SLC30A9: variants seen among roughly 807,000 people sequenced by gnomAD.
The protein encoded by SLC30A9 is proton-coupled zinc antiporter SLC30A9, mitochondrial.
A neutral mutation model predicts 87.5 loss-of-function variants in SLC30A9; 58 were observed. The ratio of observed to expected loss-of-function variants is 0.66; its 90% CI spans 0.54 to 0.82. The LOEUF (loss-of-function observed/expected upper bound fraction) is 0.82, where lower values mean the gene tolerates loss of function less well. Ranked by LOEUF, SLC30A9 falls within the 40% of genes least tolerant of loss-of-function variation. The probability of loss-of-function intolerance (pLI) is 0.00; values close to 1 mark genes in which losing one functional copy is unlikely to be tolerated. For missense variants in SLC30A9, 557 were observed against 679.1 expected (o/e 0.82, Z 2.00); for synonymous variants, 234 against 233.0 (o/e 1.00, Z -0.04).
chr4:42,014,628 C>T (rs891591168), intron 2 of SLC30A9, among the ~76,000 whole-genome samples: 8 of 151,328 alleles, frequency 5.3e-5, no homozygotes, highest in African/African-American at 1.5e-4. Flanking sequence ...GCACTGTTCA[C>T]AATAGCCAAG....
chr4:42,006,844 T>G (rs1715225964), intron 2 of SLC30A9, among the ~76,000 whole-genome samples: 1 of 152,150 alleles, frequency 6.6e-6, no homozygotes, highest in African/African-American at 2.4e-5. Flanking sequence ...TTAATTTTTT[T>G]CTACTGCTCT....
At chr4:41,996,685 A>G (rs1714725746) in intron 1 of SLC30A9, among the ~76,000 whole-genome samples, 1 of 152,188 alleles carries the variant, frequency 6.6e-6, no homozygotes, top group Admixed American at 6.5e-5. Flanking sequence ...TTGAGGCTGC[A>G]GTGAACCATG....
Position 42,089,086 on chromosome 4 carries a change from G to A in SLC30A9, c.*2960G>A, listed in dbSNP as rs1719019053. 1 of 152,096 alleles carries A rather than the reference G, an allele frequency of 6.6e-6. No homozygotes were observed. The highest frequency in any genetic ancestry group is 1.5e-5 in the Non-Finnish European group (1 of 68,028). The allele number at this position is 152,096 out of a possible 1,614,324, so 9.4% of individuals were successfully genotyped here. ...TTAAAGCATATAAATCATTTTTAAG[G>A]AAAATATTCTCTGCAGGAGAATAAT... On this transcript the variant is annotated 3_prime_UTR_variant, in exon 18 of 18. Coordinates refer to ENST00000264451, the MANE Select transcript of SLC30A9 (RefSeq NM_006345.4).
chr4:42,023,005 C>A, intron 5 of SLC30A9, 75 bp downstream of exon 5: 1 of 842,234 alleles, frequency 1.2e-6, no homozygotes, highest in South Asian at 2.0e-5. Flanking sequence ...TAGACAGAGT[C>A]AGAATTTTTT....
intron 11 of SLC30A9, 90 bp from the exon 12 acceptor site, chr4:42,065,220 G>A: frequency 1.4e-6 from 1 of 737,630 alleles, no homozygotes; most frequent in South Asian, 1.5e-5. Context: ...TTGAATTCGT[G>A]TTTTTGTTTT....
intron 8 of SLC30A9, among the ~76,000 whole-genome samples, chr4:42,039,467 T>C (rs1716824313): frequency 7.9e-6 from 1 of 127,296 alleles, no homozygotes; most frequent in South Asian, 2.4e-4. Flanking sequence ...TTGCCTCCTC[T>C]TTTTTTTTTT....
At position 42,023,319 on chromosome 4, in the gene SLC30A9, GA is replaced by G; in HGVS notation, c.547del (p.Ser183AlafsTer17). The G allele has an allele frequency of 1.2e-6, 2 of 1,613,378 alleles. No homozygotes were observed. The highest frequency in any genetic ancestry group is 1.7e-6 in the Non-Finnish European group (2 of 1,179,284). ...ATGCACAGATCTTTGGAAGTTTGGG[GA>G]AGCCCTGAAGCTCTTGCCAGAGAGA... ...DVEAKSLEVW[G>X]SPEALAREKK... is the part of the protein sequence containing the mutation. On this transcript the variant is annotated frameshift_variant, in exon 6 of 18. Coordinates refer to ENST00000264451, the MANE Select transcript of SLC30A9 (RefSeq NM_006345.4). LOFTEE classifies it high-confidence loss of function.
In SLC30A9 at chr4:42,019,060, A is replaced by G. The variant is rs372656637; in HGVS notation, c.334+890A>G. 9.2e-5 allele frequency among the ~76,000 whole-genome samples: 14 copies of G among 152,160 alleles called. 1 individual carries two copies. In the South Asian group the frequency reaches 2.7e-3, roughly 29 times the overall value. ...TTTTTTAATTGAACTTTATTTTTCA[A>G]ATATTCTTATTACATAATATTTGTG... On this transcript the variant is annotated intron_variant, in intron 3 of 17. Coordinates refer to ENST00000264451, the MANE Select transcript of SLC30A9 (RefSeq NM_006345.4).
chr4:42,031,887 G>A (rs1421675163), intron 6 of SLC30A9, among the ~76,000 whole-genome samples: 3 of 152,124 alleles, frequency 2.0e-5, no homozygotes, highest in Non-Finnish European at 2.9e-5. Context: ...TTGCTATCTA[G>A]CTGTTTAGTC....
At chr4:42,000,383 T>C (rs1195454751) in intron 1 of SLC30A9, among the ~76,000 whole-genome samples, 1 of 152,076 alleles carries the variant, frequency 6.6e-6, no homozygotes, top group Non-Finnish European at 1.5e-5. Context: ...TTAGCCCATA[T>C]TTACTAATTA....
intron 6 of SLC30A9, among the ~76,000 whole-genome samples, chr4:42,032,295 C>T (rs562913539): frequency 2.0e-5 from 3 of 152,022 alleles, no homozygotes; most frequent in Admixed American, 1.3e-4. Flanking sequence ...ACCATGTCAC[C>T]AGCCCTCTTC....
intron 15 of SLC30A9, among the ~76,000 whole-genome samples, chr4:42,074,099 GA>G (rs890510271): frequency 1.1e-4 from 16 of 145,972 alleles, no homozygotes; most frequent in Middle Eastern, 3.5e-3. Context: ...TACCAGGAGA[GA>G]AAAAAAAAAG....
rs1560559250 is a variant in SLC30A9, at chr4:42,070,601, A to G, written c.1328A>G (p.Tyr443Cys). Residue 443 changes from tyrosine to cysteine, a missense_variant, in exon 15 of 18, where the codon TAC becomes TGC. Physicochemically the swap from Tyr to Cys is radical, Grantham distance 194 (BLOSUM62 -2). This residue lies in a region of SLC30A9 where 90 missense variants were observed against 149.4 expected (regional missense o/e 0.60). Transcript: ENST00000264451. Reference sequence around the variant, plus strand: ...GGCATGGTCTCAGCATTCCTCATCTACACTAACACAGAAGCACTCTTAGGG... The same window carrying G: ...GGCATGGTCTCAGCATTCCTCATCTGCACTAACACAGAAGCACTCTTAGGG... ...LLGMVSAFLI[Y>C]TNTEALLGRS... The G allele has an allele frequency of 6.2e-7, 1 of 1,614,024 alleles. No individual in the cohort carries two copies. Among genetic ancestry groups the G allele is most frequent in the Non-Finnish European group, 8.5e-7 (1 of 1,179,908 alleles).
At chr4:42,021,188 T>C (rs1715932878) in intron 4 of SLC30A9, among the ~76,000 whole-genome samples, 1 of 152,170 alleles carries the variant, frequency 6.6e-6, no homozygotes, top group Admixed American at 6.5e-5. Context: ...CAACAACCAA[T>C]TATAATATTG....
At chr4:42,085,964 A>T in intron 17 of SLC30A9, 118 bp from the exon 18 acceptor site, 1 of 292,586 alleles carries the variant, frequency 3.4e-6, no homozygotes, top group Non-Finnish European at 6.4e-6. Flanking sequence ...TTCTCTCATT[A>T]GTATGCTATA....
At chr4:42,066,467 AT>A in intron 12 of SLC30A9, 82 bp from the exon 13 acceptor site, 1 of 790,904 alleles carries the variant, frequency 1.3e-6, no homozygotes, top group Non-Finnish European at 2.1e-6. Context: ...TGTTGTGCTT[AT>A]TTGTTTATCT....
intron 8 of SLC30A9, among the ~76,000 whole-genome samples, chr4:42,047,239 T>C (rs1717197314): frequency 1.3e-5 from 2 of 152,218 alleles, no homozygotes; most frequent in African/African-American, 2.4e-5. Flanking sequence ...TGGGATCTAA[T>C]TAAGCTAAAG....
chr4:42,044,380 G>A (rs1309583564), intron 8 of SLC30A9, among the ~76,000 whole-genome samples: 3 of 53,746 alleles, frequency 5.6e-5, no homozygotes, highest in African/African-American at 1.7e-4. Context: ...CCAAGTAAAT[G>A]GAAAGCAAAA....
At chr4:41,996,802 G>C (rs145035108) in intron 1 of SLC30A9, among the ~76,000 whole-genome samples, 2 of 152,128 alleles carry the variant, frequency 1.3e-5, no homozygotes, top group South Asian at 4.1e-4. Context: ...GGGAGGCCAA[G>C]GAGGGTGGAT....
Sources: gnomAD v4.1 joint callset for allele counts (sites outside exome capture counted in the v4.1 genomes callset) on GRCh38, gnomAD v4.1.1 for gene constraint, gnomAD v4.1.1 regional missense constraint, MANE v1.5 for transcripts, NCBI Gene and HGNC (gene_info 2026-07-23, HGNC 2026-07-21) for gene names.